The following VAMP7 variants were observed in gnomAD, a reference collection of about 807,000 sequenced individuals.
VAMP7 encodes vesicle-associated membrane protein 7.
In VAMP7, 14 loss-of-function variants were observed where a neutral mutation model predicts 29.6. The observed-to-expected ratio is 0.47, with a 90% CI of 0.31 to 0.74. The LOEUF (loss-of-function observed/expected upper bound fraction) is 0.74, where lower values mean the gene tolerates loss of function less well. Among genes scored for constraint, VAMP7 ranks in the 30% least tolerant of loss-of-function variants. The pLI is 0.05. For synonymous variants in VAMP7, 95 were observed against 88.1 expected (o/e 1.08, Z -0.44); for missense variants, 223 against 262.4 (o/e 0.85, Z 1.04).
At chrX:155,929,120 C>T (rs1405852716) in intron 6 of VAMP7, among the ~76,000 whole-genome samples, 3 of 152,124 alleles carry the variant, frequency 2.0e-5, no homozygotes, top group African/African-American at 7.2e-5. Flanking sequence ...CTGAATATTG[C>T]TGCATTTCAG....
chrX:155,928,097 A>G (rs952988192), intron 6 of VAMP7, among the ~76,000 whole-genome samples: 3 of 151,628 alleles, frequency 2.0e-5, no homozygotes, highest in Non-Finnish European at 4.4e-5. Context: ...TAATTTTTTA[A>G]ATTTTTCTTA....
chrX:155,928,756 T>A (rs1181397535), intron 6 of VAMP7, among the ~76,000 whole-genome samples: 1 of 152,232 alleles, frequency 6.6e-6, no homozygotes, highest in Non-Finnish European at 1.5e-5. Context: ...GGGCAACATT[T>A]AACAATTGTT....
At chrX:155,901,052 G>A (rs1250660556) in intron 5 of VAMP7, among the ~76,000 whole-genome samples, 2 of 151,884 alleles carry the variant, frequency 1.3e-5, no homozygotes, top group African/African-American at 2.4e-5. Flanking sequence ...AATGTCAATT[G>A]GACTGAACAG....
chrX:155,934,806 T>A (rs895311533), intron 6 of VAMP7, among the ~76,000 whole-genome samples: 1 of 152,198 alleles, frequency 6.6e-6, no homozygotes, highest in East Asian at 1.9e-4. Flanking sequence ...TGATGGTCTT[T>A]ACAATTTGGC....
intron 7 of VAMP7, 32 bp from the exon 8 acceptor site, chrX:155,941,851 A>T (rs757796940): frequency 1.2e-6 from 2 of 1,605,778 alleles, no homozygotes; most frequent in South Asian, 2.2e-5. Flanking sequence ...GATTGATTCA[A>T]GAAAATAAAA....
At chrX:155,908,160 G>C (rs915547270) in intron 5 of VAMP7, among the ~76,000 whole-genome samples, 1 of 152,226 alleles carries the variant, frequency 6.6e-6, no homozygotes, top group African/African-American at 2.4e-5. Context: ...ACGGGGTGGC[G>C]GCTGGGCAGA....
At chrX:155,897,882 A>G (rs2066007324) in intron 3 of VAMP7, among the ~76,000 whole-genome samples, 1 of 152,156 alleles carries the variant, frequency 6.6e-6, no homozygotes, top group Non-Finnish European at 1.5e-5. Flanking sequence ...ATGACCAGAT[A>G]TATCTGGATT....
intron 5 of VAMP7, among the ~76,000 whole-genome samples, chrX:155,902,004 A>G (rs12392654): frequency 6.6e-6 from 1 of 151,764 alleles, no homozygotes; most frequent in Admixed American, 6.6e-5. Context: ...CTACCCATGA[A>G]CATGGAATGT....
rs2066767056 is a variant in VAMP7, at chrX:155,942,831, A to G, written c.*880A>G. 6.6e-6 allele frequency: 1 copy of G among 152,100 alleles called. No individual in the cohort carries two copies. The highest frequency in any genetic ancestry group is 2.1e-4 in the South Asian group (1 of 4,812). 9.4% of individuals were successfully genotyped at this position (152,100 alleles called of 1,614,324 possible). A position where few individuals can be genotyped will look rare whatever the true frequency, so the allele number is the denominator to read the frequency against. ...AGGGAACCACAGTGGATATGCTAGC[A>G]TTTTAGCTGTGCAAAGGGAGGTAGT... On this transcript the variant is annotated 3_prime_UTR_variant, in exon 8 of 8. Coordinates refer to ENST00000286448, the MANE Select transcript of VAMP7 (RefSeq NM_005638.6).
Position 155,935,615 on chromosome X carries a change from A to G in VAMP7, c.502-4086A>G, listed in dbSNP as rs1403463850. Among the ~76,000 whole-genome samples, 4 of 151,820 alleles carry G rather than the reference A, an allele frequency of 2.6e-5. No homozygotes were observed. In the East Asian group the frequency reaches 7.8e-4, roughly 29 times the overall value. ...TAGCCATTCATCTAATCTTTTTTTCAAGGTTTTTAGCTTCTTTGTGCTGGG... is the reference window on the plus strand; with the variant it reads ...TAGCCATTCATCTAATCTTTTTTTCGAGGTTTTTAGCTTCTTTGTGCTGGG... On this transcript the variant is annotated intron_variant, in intron 6 of 7. Transcript: ENST00000286448.
At chrX:155,918,572 A>G (rs1000801275) in intron 5 of VAMP7, among the ~76,000 whole-genome samples, 2 of 150,958 alleles carry the variant, frequency 1.3e-5, no homozygotes, top group African/African-American at 4.9e-5. Flanking sequence ...GAGTTCCCCG[A>G]CCCCTTGTGC....
intron 6 of VAMP7, among the ~76,000 whole-genome samples, chrX:155,922,506 T>TA (rs1269486995): frequency 6.6e-6 from 1 of 152,070 alleles, no homozygotes; most frequent in East Asian, 1.9e-4. Context: ...ATTCAGTTAG[T>TA]ATGGCAAATT....
chrX:155,935,449 T>G (rs2066635910), intron 6 of VAMP7, among the ~76,000 whole-genome samples: 1 of 152,206 alleles, frequency 6.6e-6, no homozygotes, highest in African/African-American at 2.4e-5. Flanking sequence ...TTTCATTCAT[T>G]TGGTCTTCAA....
chrX:155,916,395 A>T (rs994054583), intron 5 of VAMP7, among the ~76,000 whole-genome samples: 5 of 152,188 alleles, frequency 3.3e-5, no homozygotes, highest in African/African-American at 4.8e-5. Context: ...TGATCCTGTG[A>T]TTATAATGCT....
chrX:155,922,914 A>AT (rs1451542667), intron 6 of VAMP7, among the ~76,000 whole-genome samples: 4 of 151,746 alleles, frequency 2.6e-5, no homozygotes, highest in African/African-American at 9.7e-5. Context: ...CTTCCATTGG[A>AT]TTTAGTACAT....
At position 155,889,444 on chromosome X, in the gene VAMP7, T is replaced by G. The variant is rs1200876481; in HGVS notation, c.-9-14T>G. On this transcript the variant is annotated splice_polypyrimidine_tract_variant and intron_variant, in intron 1 of 7. Coordinates refer to ENST00000286448, the MANE Select transcript of VAMP7 (RefSeq NM_005638.6). ...AAGAAATATTCTAAATCTGTGTCTT[T>G]TTCCTTTTGATAGACTGAAGCCATG... 2 of 1,608,752 alleles carry G rather than the reference T, an allele frequency of 1.2e-6. No individual in the cohort carries two copies. The highest frequency in any genetic ancestry group is 1.7e-6 in the Non-Finnish European group (2 of 1,177,714).
At position 155,942,575 on chromosome X, in the gene VAMP7, G is replaced by C. The variant is rs1031685994; in HGVS notation, c.*624G>C. 47 of 178,886 alleles carry C rather than the reference G, an allele frequency of 2.6e-4. 1 individual carries two copies. The highest frequency in any genetic ancestry group is 3.9e-4 in the Non-Finnish European group (33 of 83,554). The allele number at this position is 178,886 out of a possible 1,614,324, so 11.1% of individuals were successfully genotyped here. A position where few individuals can be genotyped will look rare whatever the true frequency, so the allele number is the denominator to read the frequency against. ...CTTGTCCTCCTAATATTGACTTTCA[G>C]GAATAAAGTTCAGTGTGCTGATCAT... On this transcript the variant is annotated 3_prime_UTR_variant, in exon 8 of 8. Coordinates refer to ENST00000286448, the MANE Select transcript of VAMP7 (RefSeq NM_005638.6).
In VAMP7 at chrX:155,904,305, G is replaced by A. The variant is rs768471273; in HGVS notation, c.433+3718G>A. ...ACCAGCATGGCACATGTATACATAT[G>A]TAACAAACCTGCACATTGTGCACAT... On this transcript the variant is annotated intron_variant, in intron 5 of 7. Transcript: ENST00000286448. 2.6e-5 allele frequency among the ~76,000 whole-genome samples: 4 copies of A among 151,700 alleles called. No homozygotes were observed. In the East Asian group the frequency reaches 7.7e-4, roughly 29 times the overall value.
At chrX:155,927,137 G>T (rs1287842124) in intron 6 of VAMP7, among the ~76,000 whole-genome samples, 2 of 151,864 alleles carry the variant, frequency 1.3e-5, no homozygotes, top group Non-Finnish European at 2.9e-5. Context: ...TGGTGCTGCC[G>T]CATGTTCTCA....
Sources: allele counts gnomAD v4.1 joint callset (sites outside exome capture counted in the v4.1 genomes callset), GRCh38; gene constraint gnomAD v4.1.1; transcripts MANE v1.5; gene names NCBI Gene and HGNC (gene_info 2026-07-23, HGNC 2026-07-21).